The following KLHL13 variants were observed in gnomAD, a reference collection of about 807,000 sequenced individuals.
KLHL13 encodes the protein kelch-like protein 13.
KLHL13 carries 10 observed loss-of-function variants against 37.1 expected under a neutral mutation model. The observed-to-expected ratio is 0.27, with a 90% CI of 0.17 to 0.46. KLHL13 has a LOEUF of 0.46. Among genes scored for constraint, KLHL13 ranks in the 20% least tolerant of loss-of-function variants. KLHL13 has a pLI of 1.00. For missense variants in KLHL13, 360 were observed against 509.3 expected (o/e 0.71, Z 2.82); for synonymous variants, 163 against 181.2 (o/e 0.90, Z 0.81).
intron 4 of KLHL13, among the ~76,000 whole-genome samples, chrX:117,915,398 G>T (rs1931280421): frequency 1.8e-5 from 2 of 109,849 alleles, no homozygotes; most frequent in African/African-American, 6.6e-5. Context: ...CCTTTATTTT[G>T]TCTCCAACTC....
intron 1 of KLHL13, among the ~76,000 whole-genome samples, chrX:118,023,922 C>T (rs1300197041): frequency 8.9e-6 from 1 of 112,010 alleles, no homozygotes; most frequent in African/African-American, 3.2e-5. Flanking sequence ...TGCATGCAAG[C>T]AACGTTTTGC....
At chrX:117,958,546 G>C (rs1206597399) in intron 1 of KLHL13, among the ~76,000 whole-genome samples, 1 of 109,390 alleles carries the variant, frequency 9.1e-6, no homozygotes, top group Non-Finnish European at 1.9e-5. Context: ...CAGAGGTACA[G>C]ACCTAAAAAC....
chrX:118,110,512 G>A (rs1372486172), intron 1 of KLHL13, among the ~76,000 whole-genome samples: 15 of 108,542 alleles, frequency 1.4e-4, no homozygotes, highest in Admixed American at 9.9e-4. Flanking sequence ...CCAAGTAGCT[G>A]GGATTACAGG....
intron 1 of KLHL13, among the ~76,000 whole-genome samples, chrX:118,050,900 A>C (rs1262024531): frequency 1.8e-5 from 2 of 112,432 alleles, no homozygotes; most frequent in Non-Finnish European, 3.8e-5. Flanking sequence ...ATTGCTGGAA[A>C]GAGTTTCTCC....
At chrX:118,055,128 C>G (rs1232485565) in intron 1 of KLHL13, among the ~76,000 whole-genome samples, 2 of 111,536 alleles carry the variant, frequency 1.8e-5, no homozygotes, top group African/African-American at 6.5e-5. Context: ...ATAAAGGTAA[C>G]AGTTTTTCTG....
intron 2 of KLHL13, among the ~76,000 whole-genome samples, chrX:117,923,662 C>T (rs1170009925): frequency 5.4e-5 from 6 of 110,717 alleles, no homozygotes; most frequent in African/African-American, 2.0e-4. Context: ...CTTTTTTTTC[C>T]CTCTGAAAAG....
intron 1 of KLHL13, among the ~76,000 whole-genome samples, chrX:118,091,022 G>T (rs773544443): frequency 9.5e-6 from 1 of 104,810 alleles, no homozygotes. Context: ...GCAAACTATC[G>T]CAAGGACAAA....
At chrX:117,987,499 C>T (rs1162219175) in intron 1 of KLHL13, among the ~76,000 whole-genome samples, 1 of 111,619 alleles carries the variant, frequency 9.0e-6, no homozygotes, top group African/African-American at 3.2e-5. Context: ...AGTATTCTCT[C>T]TCTGTGGAAC....
intron 1 of KLHL13, among the ~76,000 whole-genome samples, chrX:118,086,436 T>C (rs1207355619): frequency 3.6e-5 from 4 of 111,609 alleles, no homozygotes; most frequent in Non-Finnish European, 5.6e-5. Context: ...ATCACTGTAA[T>C]GGCAGCACAA....
chrX:118,039,924 T>G (rs2148054473), intron 1 of KLHL13, among the ~76,000 whole-genome samples: 1 of 111,036 alleles, frequency 9.0e-6, no homozygotes, highest in African/African-American at 3.3e-5. Flanking sequence ...TGGGGGAAAT[T>G]AGGGGAAGAG....
rs771534683 is a variant in KLHL13, at chrX:118,069,109, TCACACACACACACA to T, written c.-56+47385_-56+47398del. ...GTGAAAACAGGGCCATCCAGAAGAG[TCACACACACACACA>T]CACACACACACACACACACACACAC... On this transcript the variant is annotated intron_variant, in intron 1 of 6. Transcript: ENST00000371882. 6.4e-4 allele frequency among the ~76,000 whole-genome samples: 54 copies of T among 83,985 alleles called. No homozygotes were observed. In the East Asian group the frequency reaches 0.015, roughly 23 times the overall value. The allele number at this position is 83,985 out of a possible 115,157, so 72.9% of individuals were successfully genotyped here.
At chrX:117,946,742 C>T (rs193156482) in intron 1 of KLHL13, 37 of 112,422 alleles carry the variant, frequency 3.3e-4, no homozygotes, top group African/African-American at 9.0e-4. Flanking sequence ...TTCTAACTGT[C>T]TAACTGAGCT....
chrX:118,043,476 C>A (rs753501914), intron 1 of KLHL13, among the ~76,000 whole-genome samples: 127 of 111,416 alleles, frequency 1.1e-3, no homozygotes, highest in African/African-American at 3.7e-3. Flanking sequence ...AACATTGATG[C>A]AAAAATCCTC....
chrX:118,063,080 G>T (rs1459416401), intron 1 of KLHL13, among the ~76,000 whole-genome samples: 2 of 111,412 alleles, frequency 1.8e-5, no homozygotes, highest in Non-Finnish European at 3.8e-5. Context: ...CTAGCATTGG[G>T]GTTAAGGGAT....
intron 1 of KLHL13, among the ~76,000 whole-genome samples, chrX:118,071,199 T>C (rs750591545): frequency 1.8e-5 from 2 of 111,802 alleles, no homozygotes; most frequent in African/African-American, 6.5e-5. Context: ...CTATTGTGAA[T>C]AATGCCGCAA....
intron 6 of KLHL13, among the ~76,000 whole-genome samples, chrX:117,900,223 G>C (rs1020069993): frequency 1.8e-5 from 2 of 112,212 alleles, no homozygotes; most frequent in Non-Finnish European, 3.8e-5. Flanking sequence ...CTAATCTTTA[G>C]TCAAATCATT....
At chrX:117,999,219 T>G (rs190888022) in intron 1 of KLHL13, among the ~76,000 whole-genome samples, 2 of 112,036 alleles carry the variant, frequency 1.8e-5, no homozygotes, top group East Asian at 5.6e-4. Flanking sequence ...TTATAAATCA[T>G]GCTGCTATAA....
exon 6 of KLHL13, chrX:117,901,925 G>T: frequency 8.6e-7 from 1 of 1,157,012 alleles, no homozygotes; most frequent in Non-Finnish European, 1.2e-6. Flanking sequence ...ATTTGTTCTT[G>T]GATTGTAACA....
chrX:117,990,111 T>C (rs2053771471), intron 1 of KLHL13, among the ~76,000 whole-genome samples: 1 of 111,614 alleles, frequency 9.0e-6, no homozygotes, highest in African/African-American at 3.3e-5. Context: ...TAAAGGGCCT[T>C]TTCCTCCCAA....
Sources: gnomAD v4.1 joint callset for allele counts (sites outside exome capture counted in the v4.1 genomes callset) on GRCh38, gnomAD v4.1.1 for gene constraint, MANE v1.5 for transcripts, NCBI Gene and HGNC (gene_info 2026-07-23, HGNC 2026-07-21) for gene names.